PGR: variants seen among roughly 807,000 people sequenced by gnomAD.
PGR encodes progesterone receptor, also known as nuclear receptor subfamily 3 group C member 3.
A neutral mutation model predicts 76.1 loss-of-function variants in PGR; 25 were observed. The ratio of observed to expected loss-of-function variants is 0.33; its 90% CI spans 0.24 to 0.46. PGR has a LOEUF of 0.46. Among genes scored for constraint, PGR ranks in the 20% least tolerant of loss-of-function variants. PGR has a pLI of 1.00. For synonymous variants in PGR, 579 were observed against 535.0 expected (o/e 1.08, Z -1.14); for missense variants, 1,172 against 1,225.3 (o/e 0.96, Z 0.65).
intron 3 of PGR, among the ~76,000 whole-genome samples, chr11:101,083,305 G>T (rs935242477): frequency 5.9e-5 from 9 of 152,252 alleles, no homozygotes; most frequent in African/African-American, 2.2e-4. Flanking sequence ...CCAGGCAGAA[G>T]TCTGCTTCAA....
At chr11:101,100,762 C>A (rs1436830518) in intron 2 of PGR, among the ~76,000 whole-genome samples, 1 of 152,022 alleles carries the variant, frequency 6.6e-6, no homozygotes, top group East Asian at 1.9e-4. Flanking sequence ...TATCTGGAGA[C>A]AATTTTGGTT....
intron 3 of PGR, among the ~76,000 whole-genome samples, chr11:101,081,978 C>T (rs994711852): frequency 5.9e-5 from 9 of 152,114 alleles, no homozygotes; most frequent in African/African-American, 1.9e-4. Flanking sequence ...CCAAATCTCA[C>T]GTTGAATTTT....
chr11:101,106,728 G>A (rs1450737403), intron 2 of PGR, among the ~76,000 whole-genome samples: 2 of 152,136 alleles, frequency 1.3e-5, no homozygotes, highest in Non-Finnish European at 2.9e-5. Context: ...TAAACCCAGA[G>A]GATTATAAAT....
At chr11:101,057,830 T>C (rs1221936789) in intron 4 of PGR, among the ~76,000 whole-genome samples, 1 of 152,174 alleles carries the variant, frequency 6.6e-6, no homozygotes, top group African/African-American at 2.4e-5. Flanking sequence ...CATGCTGACT[T>C]AGAAGTCATC....
intron 2 of PGR, among the ~76,000 whole-genome samples, chr11:101,115,395 A>C (rs1297115046): frequency 6.6e-6 from 1 of 152,112 alleles, no homozygotes; most frequent in Non-Finnish European, 1.5e-5. Context: ...TTGAACGAAA[A>C]CTATATGAAG....
Position 101,038,791 on chromosome 11 carries a change from T to A in PGR, c.*325A>T, listed in dbSNP as rs1859596723. On this transcript the variant is annotated 3_prime_UTR_variant, in exon 8 of 8. Coordinates refer to ENST00000325455, the MANE Select transcript of PGR (RefSeq NM_000926.4). ...AAGATTTTTTCTCTTAAGTCGATGA[T>A]TTGTTAGATGCAAAAGTTAAAAATC... 3.8e-6 allele frequency: 1 copy of A among 260,370 alleles called. No homozygotes were observed. Among genetic ancestry groups the A allele is most frequent in the Non-Finnish European group, 7.4e-6 (1 of 135,048 alleles). 16.1% of individuals were successfully genotyped at this position (260,370 alleles called of 1,614,324 possible). A position where few individuals can be genotyped will look rare whatever the true frequency, so the allele number is the denominator to read the frequency against.
At chr11:101,070,574 G>A (rs79495180) in intron 3 of PGR, among the ~76,000 whole-genome samples, 22,836 of 152,192 alleles carry the variant, frequency 0.15, 3,152 homozygotes, top group East Asian at 0.78. Context: ...AGATTCACTG[G>A]CTTGAAATTC....
intron 3 of PGR, among the ~76,000 whole-genome samples, chr11:101,066,152 C>T (rs1860706988): frequency 6.6e-6 from 1 of 152,176 alleles, no homozygotes; most frequent in Non-Finnish European, 1.5e-5. Context: ...CATTTCCTCT[C>T]CTCCAATTCT....
rs12282222 is a variant in PGR at position 101,101,114 on chromosome 11, C to T, written c.1790-9238G>A. On this transcript the variant is annotated intron_variant, in intron 2 of 7. Transcript: ENST00000325455. Reference sequence around the variant, plus strand: ...TGCAAGTTGAGCCTGGGATGCTTTGCTGTGACAGATGATTTGCTTTTACTG... The same window carrying T: ...TGCAAGTTGAGCCTGGGATGCTTTGTTGTGACAGATGATTTGCTTTTACTG... 3.6e-3 allele frequency among the ~76,000 whole-genome samples: 546 copies of T among 152,280 alleles called. 4 individuals are homozygous for T. Among genetic ancestry groups the T allele is most frequent in the African/African-American group, 0.012 (518 of 41,552 alleles).
At chr11:101,071,668 C>T (rs1860941042) in intron 3 of PGR, among the ~76,000 whole-genome samples, 3 of 151,746 alleles carry the variant, frequency 2.0e-5, no homozygotes, top group South Asian at 2.1e-4. Context: ...AGCACAAGAA[C>T]TGTGTGAAGC....
intron 6 of PGR, 41 bp downstream of exon 6, chr11:101,049,885 TAAG>T: frequency 1.9e-6 from 3 of 1,543,328 alleles, no homozygotes; most frequent in Non-Finnish European, 2.7e-6. Flanking sequence ...TCTAATGAAT[TAAG>T]AAACTAGATA....
chr11:101,101,038 G>A (rs73573603), intron 2 of PGR, among the ~76,000 whole-genome samples: 41 of 152,232 alleles, frequency 2.7e-4, no homozygotes, highest in African/African-American at 9.1e-4. Context: ...CATCTAAAAC[G>A]AACCAGAGCT....
rs372030160 is a variant in PGR, at chr11:101,071,150, C to T, written c.1907-8398G>A. ...GGAACAGGCAGCAATCTTTGCTGTACTGCAGAGTCCGCTAGTGATACCCAG... is the reference window on the plus strand; with the variant it reads ...GGAACAGGCAGCAATCTTTGCTGTATTGCAGAGTCCGCTAGTGATACCCAG... On this transcript the variant is annotated intron_variant, in intron 3 of 7. Transcript: ENST00000325455. Among the ~76,000 whole-genome samples, 8 of 152,306 alleles carry T rather than the reference C, an allele frequency of 5.3e-5. No individual in the cohort carries two copies. The East Asian group carries it at 1.4e-3, about 26-fold the overall frequency.
rs1396817971 is a variant in PGR at position 101,129,172 on chromosome 11, G to T, written c.-102C>A. 5.4e-5 allele frequency: 43 copies of T among 795,042 alleles called. No individual in the cohort carries two copies. The highest frequency in any genetic ancestry group is 6.2e-5 in the Non-Finnish European group (36 of 577,822). 49.2% of individuals were successfully genotyped at this position (795,042 alleles called of 1,614,324 possible). A position where few individuals can be genotyped will look rare whatever the true frequency, so the allele number is the denominator to read the frequency against. ...ATAGGGGCAGAGGGAGGAGAAAGTG[G>T]GTGTTGAATGTGGCTGGACCGGAGG... On this transcript the variant is annotated 5_prime_UTR_variant, in exon 1 of 8. Transcript: ENST00000325455.
chr11:101,038,908 T>C lies in PGR; in HGVS notation c.*208A>G, dbSNP rs977219662. On this transcript the variant is annotated 3_prime_UTR_variant, in exon 8 of 8. Coordinates refer to ENST00000325455, the MANE Select transcript of PGR (RefSeq NM_000926.4). ...ATCTTGTAAATTCTTCAAGAAAATA[T>C]GGGTAAACAAAACAGTTAAACATTC... 4 of 467,386 alleles carry C rather than the reference T, an allele frequency of 8.6e-6. No homozygotes were observed. Among genetic ancestry groups the C allele is most frequent in the South Asian group, 3.0e-5 (1 of 32,854 alleles). 29.0% of individuals were successfully genotyped at this position (467,386 alleles called of 1,614,324 possible).
At chr11:101,063,460 G>T (rs1242145589) in intron 3 of PGR, 1 of 152,198 alleles carries the variant, frequency 6.6e-6, no homozygotes, top group Non-Finnish European at 1.5e-5. Flanking sequence ...TGATATGTTA[G>T]GGGAAAAAGA....
At chr11:101,084,755 A>C (rs945056476) in intron 3 of PGR, among the ~76,000 whole-genome samples, 2 of 152,192 alleles carry the variant, frequency 1.3e-5, no homozygotes, top group African/African-American at 2.4e-5. Flanking sequence ...AATGACAACC[A>C]TAGGCTCAAA....
chr11:101,113,750 C>T (rs1243445914), intron 2 of PGR, among the ~76,000 whole-genome samples: 1 of 152,116 alleles, frequency 6.6e-6, no homozygotes, highest in Non-Finnish European at 1.5e-5. Flanking sequence ...TGCTATCAGG[C>T]ACTACCAGCC....
At position 101,086,152 on chromosome 11, in the gene PGR, A is replaced by G. The variant is rs369400117; in HGVS notation, c.1906+5608T>C. Among the ~76,000 whole-genome samples, 9 of 152,262 alleles carry G rather than the reference A, an allele frequency of 5.9e-5. 1 individual carries two copies. In the South Asian group the frequency reaches 1.7e-3, roughly 28 times the overall value. Reference sequence around the variant, plus strand: ...CTGTAAGAGATACCATGAGAAAGGAAAACTATAGGACAATATCTCTGATAA... The same window carrying G: ...CTGTAAGAGATACCATGAGAAAGGAGAACTATAGGACAATATCTCTGATAA... On this transcript the variant is annotated intron_variant, in intron 3 of 7. Transcript: ENST00000325455.
Sources: allele counts gnomAD v4.1 joint callset (sites outside exome capture counted in the v4.1 genomes callset), GRCh38; gene constraint gnomAD v4.1.1; transcripts MANE v1.5; gene names NCBI Gene and HGNC (gene_info 2026-07-23, HGNC 2026-07-21).